The following GIT2 variants were observed in gnomAD, a reference collection of about 807,000 sequenced individuals.
GIT2 encodes the protein ARF GTPase-activating protein GIT2.
A neutral mutation model predicts 100.3 loss-of-function variants in GIT2; 32 were observed. The observed-to-expected ratio is 0.32, with a 90% CI of 0.24 to 0.43. GIT2 has a LOEUF of 0.43. GIT2 is among the 20% of genes least tolerant of loss of function. GIT2 has a pLI of 1.00. For synonymous variants in GIT2, 353 were observed against 364.1 expected, an observed-to-expected ratio of 0.97 and a Z score of 0.35; for missense variants, 737 against 975.1, an observed-to-expected ratio of 0.76 and a Z score of 3.25.
rs544675573 is a variant in GIT2, at chr12:109,965,995, T to G, written c.765-418A>C. On this transcript the variant is annotated intron_variant, in intron 8 of 19. Transcript: ENST00000355312. ...TGGGAGGATCACAAGGTCAGGGTTG[T>G]TTTTTTTTTTTTTTTTTTGAGATGG... Among the ~76,000 whole-genome samples, 991 of 119,378 alleles carry G rather than the reference T, an allele frequency of 8.3e-3. 14 individuals are homozygous for G. Among genetic ancestry groups the G allele is most frequent in the African/African-American group, 0.028 (952 of 33,862 alleles). The allele number at this position is 119,378 out of a possible 152,430, so 78.3% of individuals were successfully genotyped here. A position where few individuals can be genotyped will look rare whatever the true frequency, so the allele number is the denominator to read the frequency against.
rs1281281771 is a variant in GIT2, at chr12:109,991,685, C to A, written c.128G>T (p.Arg43Leu). Reference protein sequence around the residue: ...ECCSVHRSLGRHISQVRHLKH... With the variant: ...ECCSVHRSLGLHISQVRHLKH... ...CAGATGCCTCACTTGGGAGATATGG[C>A]GCCCTAGACTCCGATGGACACTGCA... is the stretch of plus-strand genomic sequence containing the variant. The change falls in exon 2 of 20, where the codon CGC (arginine) becomes CTC (leucine). Residue 43 changes from arginine (R) to leucine (L), a missense_variant. Around this residue, in one of 3 missense-constraint regions of GIT2, gnomAD observed 266 missense variants for 376.2 expected, o/e 0.71. Transcript: ENST00000355312. The A allele has an allele frequency of 6.2e-7, 1 of 1,612,262 alleles. No homozygotes were observed. The highest frequency in any genetic ancestry group is 1.1e-5 in the South Asian group (1 of 91,042).
At chr12:109,999,840 C>A, upstream of GIT2, 1 of 1,436,510 alleles carries the variant, frequency 7.0e-7, no homozygotes, top group South Asian at 1.3e-5. This position sits in a 1 kb window ranked among gnomAD's most constrained non-coding sequence, Gnocchi z 4.3. Flanking sequence ...AATCGGGGGT[C>A]GTTTCGCCTC....
chr12:109,996,108 C>A, intron 1 of GIT2, 65 bp downstream of exon 1: 1 of 1,040,560 alleles, frequency 9.6e-7, no homozygotes, highest in East Asian at 3.1e-5. Context: ...CCTGAGGGGG[C>A]GGCCCCGGGG....
At chr12:109,990,583 G>A (rs557960206) in intron 2 of GIT2, among the ~76,000 whole-genome samples, 1 of 152,170 alleles carries the variant, frequency 6.6e-6, no homozygotes, top group South Asian at 2.1e-4. Context: ...CACTTGTTTT[G>A]GCTCCTTGGT....
At chr12:109,956,055 A>G (rs1879356294) in intron 12 of GIT2, among the ~76,000 whole-genome samples, 1 of 151,860 alleles carries the variant, frequency 6.6e-6, no homozygotes, top group Non-Finnish European at 1.5e-5. Context: ...CAGCCTCCTG[A>G]GTAACTGGGA....
intron 16 of GIT2, among the ~76,000 whole-genome samples, chr12:109,940,818 G>A (rs1874428903): frequency 6.6e-6 from 1 of 151,778 alleles, no homozygotes; most frequent in African/African-American, 2.4e-5. Flanking sequence ...GGCGGAGGTT[G>A]CAGTGAGATG....
At chr12:109,995,655 A>C (rs181639378) in intron 1 of GIT2, among the ~76,000 whole-genome samples, 103 of 152,236 alleles carry the variant, frequency 6.8e-4, no homozygotes, top group African/African-American at 2.0e-3. Flanking sequence ...GAAGACCCCG[A>C]TCTCCTGGCA....
chr12:109,995,760 G>A (rs952149712), intron 1 of GIT2, among the ~76,000 whole-genome samples: 1 of 152,216 alleles, frequency 6.6e-6, no homozygotes, highest in East Asian at 1.9e-4. Flanking sequence ...TCCTCCCCGG[G>A]CAGGACACCC....
intron 8 of GIT2, among the ~76,000 whole-genome samples, chr12:109,966,020 G>A (rs1458511779): frequency 6.8e-6 from 1 of 146,050 alleles, no homozygotes; most frequent in Non-Finnish European, 1.5e-5. Context: ...TTTTGAGATG[G>A]AGTCTCACTC....
rs962204558 is a variant in GIT2, at chr12:109,931,858, A to G, written c.*1120T>C. 9 of 152,286 alleles carry G rather than the reference A, an allele frequency of 5.9e-5. No individual in the cohort carries two copies. Among genetic ancestry groups the G allele is most frequent in the Non-Finnish European group, 1.2e-4 (8 of 68,064 alleles). 9.4% of individuals were successfully genotyped at this position (152,286 alleles called of 1,614,324 possible). Reference sequence around the variant, plus strand: ...GGGGTAGCAGGCAGCCAGCTAGAGCACACTCTCTAAGGAACTCTTGAAAGT... The same window carrying G: ...GGGGTAGCAGGCAGCCAGCTAGAGCGCACTCTCTAAGGAACTCTTGAAAGT... On this transcript the variant is annotated 3_prime_UTR_variant, in exon 20 of 20. Transcript: ENST00000355312.
chr12:109,963,326 T>C (rs2136425260), intron 9 of GIT2, among the ~76,000 whole-genome samples: 1 of 152,310 alleles, frequency 6.6e-6, no homozygotes, highest in South Asian at 2.1e-4. Context: ...GATTGGGAGC[T>C]TGACTTTGCT....
intron 12 of GIT2, among the ~76,000 whole-genome samples, chr12:109,957,672 A>C (rs889285277): frequency 6.6e-6 from 1 of 151,552 alleles, no homozygotes; most frequent in Non-Finnish European, 1.5e-5. Context: ...ATGCCCAGCT[A>C]ATTTTTTATA....
intron 1 of GIT2, chr12:109,991,992 A>T: frequency 2.3e-6 from 1 of 441,740 alleles, no homozygotes; most frequent in East Asian, 3.7e-5. Flanking sequence ...GTAAACAGTT[A>T]TCTTCTTTCT....
intron 7 of GIT2, among the ~76,000 whole-genome samples, chr12:109,968,950 C>T (rs1013403292): frequency 6.6e-6 from 1 of 152,074 alleles, no homozygotes; most frequent in African/African-American, 2.4e-5. Context: ...TCTCAAACTC[C>T]TGGGCTCAGG....
upstream of GIT2, chr12:109,999,772 G>C (rs1284858671): frequency 6.5e-7 from 1 of 1,532,794 alleles, no homozygotes; most frequent in East Asian, 2.6e-5. The surrounding 1 kb of genome is among the most constrained non-coding windows in gnomAD (Gnocchi z 4.3). Context: ...TCGAGAAGGA[G>C]CTGCAGGGCC....
intron 7 of GIT2, 115 bp downstream of exon 7, chr12:109,980,837 T>C (rs768091778): frequency 2.8e-6 from 2 of 722,474 alleles, no homozygotes; most frequent in Non-Finnish European, 2.5e-6. Flanking sequence ...GCCATATGTA[T>C]AGCTTTCTCA....
chr12:109,956,415 T>C (rs1312253067), intron 12 of GIT2, among the ~76,000 whole-genome samples: 1 of 152,208 alleles, frequency 6.6e-6, no homozygotes, highest in African/African-American at 2.4e-5. Context: ...CACAGACACT[T>C]GTTTATAGCA....
chr12:109,991,877 T>A, intron 1 of GIT2, 117 bp from the exon 2 acceptor site: 1 of 781,416 alleles, frequency 1.3e-6, no homozygotes, highest in East Asian at 2.5e-5. Context: ...TGTTTCAGTA[T>A]GCTCATCAAT....
intron 16 of GIT2, among the ~76,000 whole-genome samples, chr12:109,940,735 C>G (rs1348143822): frequency 6.6e-6 from 1 of 151,964 alleles, no homozygotes; most frequent in Non-Finnish European, 1.5e-5. Context: ...CAAAAATTAG[C>G]TGGGTGTGGT....
Sources: allele counts gnomAD v4.1 joint callset (sites outside exome capture counted in the v4.1 genomes callset), GRCh38; gene constraint gnomAD v4.1.1; regional missense constraint gnomAD v4.1.1; non-coding constraint Gnocchi (gnomAD v3.1); transcripts MANE v1.5; gene names NCBI Gene and HGNC (gene_info 2026-07-23, HGNC 2026-07-21).